CCDC50: variants seen among roughly 807,000 people sequenced by gnomAD.
The protein encoded by CCDC50 is coiled-coil domain containing 50, also known as coiled-coil domain-containing protein 50.
A neutral mutation model predicts 70.2 loss-of-function variants in CCDC50; 54 were observed. The ratio of observed to expected loss-of-function variants is 0.77; its 90% CI spans 0.62 to 0.96. CCDC50 has a LOEUF of 0.96. CCDC50 is among the 50% of genes least tolerant of loss of function. The probability of loss-of-function intolerance (pLI) is 0.00; values close to 1 mark genes in which losing one functional copy is unlikely to be tolerated. For missense variants in CCDC50, 558 were observed against 578.7 expected, an observed-to-expected ratio of 0.96 and a Z score of 0.37; for synonymous variants, 216 against 198.8, an observed-to-expected ratio of 1.09 and a Z score of -0.73.
chr3:191,362,724 G>A, intron 4 of CCDC50, among the ~76,000 whole-genome samples: 1 of 152,116 alleles, frequency 6.6e-6, no homozygotes, highest in East Asian at 1.9e-4. Context: ...TACATACACT[G>A]CTACTCCTAC....
At chr3:191,344,959 G>A (rs1437244567) in intron 1 of CCDC50, among the ~76,000 whole-genome samples, 1 of 152,136 alleles carries the variant, frequency 6.6e-6, no homozygotes. Context: ...ATCCTCAAAT[G>A]CACATCCACA....
chr3:191,389,656 C>G, intron 11 of CCDC50, 54 bp downstream of exon 11: 1 of 1,322,562 alleles, frequency 7.6e-7, no homozygotes, highest in South Asian at 1.2e-5. Flanking sequence ...ATATAAGCCT[C>G]GTGTTGTAGT....
intron 6 of CCDC50, among the ~76,000 whole-genome samples, chr3:191,378,731 G>GTTTTTTTTTTTTTTTT (rs111282965): frequency 6.7e-6 from 1 of 149,558 alleles, no homozygotes; most frequent in African/African-American, 2.5e-5. Context: ...CTATGCCACT[G>GTTTTTTTTTTTTTTTT]TTTTTTTGTT....
At chr3:191,383,700 C>A (rs1713398134) in intron 10 of CCDC50, among the ~76,000 whole-genome samples, 1 of 152,152 alleles carries the variant, frequency 6.6e-6, no homozygotes, top group South Asian at 2.1e-4. Context: ...AAGTAATCCT[C>A]TATTTTAAAA....
chr3:191,334,328 C>T (rs987385641), intron 1 of CCDC50, among the ~76,000 whole-genome samples: 1 of 152,116 alleles, frequency 6.6e-6, no homozygotes, highest in African/African-American at 2.4e-5. Context: ...TGTAGACTTG[C>T]ATTACTTTTT....
intron 10 of CCDC50, among the ~76,000 whole-genome samples, chr3:191,383,087 G>A (rs999026591): frequency 3.9e-4 from 59 of 152,162 alleles, no homozygotes; most frequent in African/African-American, 1.4e-3. Context: ...TCTTACCTCT[G>A]CATTCACTGA....
At chr3:191,372,906 A>G (rs1040784461) in intron 5 of CCDC50, among the ~76,000 whole-genome samples, 5 of 152,162 alleles carry the variant, frequency 3.3e-5, no homozygotes, top group African/African-American at 1.2e-4. Flanking sequence ...AATGGAGATT[A>G]TAAAAGTAAA....
At chr3:191,373,033 C>T (rs1044282253) in intron 5 of CCDC50, among the ~76,000 whole-genome samples, 4 of 151,698 alleles carry the variant, frequency 2.6e-5, no homozygotes, top group African/African-American at 9.7e-5. Context: ...TTTTGAAAGC[C>T]AAACATGGAG....
intron 5 of CCDC50, among the ~76,000 whole-genome samples, chr3:191,374,746 G>A (rs1436515565): frequency 6.6e-6 from 1 of 152,136 alleles, no homozygotes; most frequent in East Asian, 1.9e-4. Context: ...AGAACTTAAT[G>A]TTTAATGGCT....
In CCDC50 at chr3:191,357,086, A is replaced by G; in HGVS notation, c.50-2A>G. ...TGTCTGTTTTTCCTCCATCTACTCT[A>G]GTATGCCGAGATTTTGCTGTCCTGG... On this transcript the variant is annotated splice_acceptor_variant, in intron 1 of 11. Transcript: ENST00000392455. LOFTEE classifies it high-confidence loss of function. 1 of 1,605,126 alleles carries G rather than the reference A, an allele frequency of 6.2e-7. No homozygotes were observed. The highest frequency in any genetic ancestry group is 8.5e-7 in the Non-Finnish European group (1 of 1,172,282).
intron 6 of CCDC50, 77 bp from the exon 7 acceptor site, chr3:191,380,082 T>A (rs1713257289): frequency 4.4e-6 from 4 of 899,054 alleles, no homozygotes; most frequent in Non-Finnish European, 7.1e-6. Flanking sequence ...AAAAATCTCC[T>A]TTATCTTAAA....
intron 1 of CCDC50, among the ~76,000 whole-genome samples, chr3:191,348,017 T>C (rs1366946938): frequency 7.0e-6 from 1 of 142,638 alleles, no homozygotes; most frequent in African/African-American, 2.5e-5. Context: ...GGATCTAGAA[T>C]ATATGCTGGG....
chr3:191,375,451 T>C lies in CCDC50; in HGVS notation c.838T>C (p.Ser280Pro). The C allele has an allele frequency of 3.1e-6, 5 of 1,613,658 alleles. No individual in the cohort carries two copies. The highest frequency in any genetic ancestry group is 4.2e-6 in the Non-Finnish European group (5 of 1,179,828). ...CCAAGATCGACTTTCACCCAAGTCC[T>C]CACAAAAAGCAGGGCTTCACTGCAA... Reference protein sequence around the residue: ...RHQDRLSPKSSQKAGLHCKEV... With the variant: ...RHQDRLSPKSPQKAGLHCKEV... The change falls in exon 6 of 12, where the codon TCA (serine) becomes CCA (proline). Residue 280 changes from serine to proline, a missense_variant. By Grantham distance (74) the Ser-to-Pro change is moderately conservative (BLOSUM62 -1). Transcript: ENST00000392455.
chr3:191,385,250 AG>A (rs1372197631), intron 10 of CCDC50, among the ~76,000 whole-genome samples: 3 of 152,194 alleles, frequency 2.0e-5, no homozygotes, highest in Non-Finnish European at 4.4e-5. Flanking sequence ...CGCTTTCCAG[AG>A]GGATTGAACT....
rs1363993305 is a variant in CCDC50 at position 191,335,262 on chromosome 3, G to A, written c.49+5539G>A. Among the ~76,000 whole-genome samples the A allele has an allele frequency of 7.9e-5, 12 of 152,178 alleles. No homozygotes were observed. The East Asian group carries it at 1.2e-3, about 15-fold the overall frequency. On this transcript the variant is annotated intron_variant, in intron 1 of 11. Coordinates refer to ENST00000392455, the MANE Select transcript of CCDC50 (RefSeq NM_178335.3). ...CCAAGGTACAGAAGCATATTTAGAA[G>A]TGAATTGCTTTGATCCATAGAGGAG...
intron 2 of CCDC50, 133 bp downstream of exon 2, chr3:191,357,283 CT>C (rs1387686984): frequency 1.3e-6 from 1 of 749,020 alleles, no homozygotes; most frequent in African/African-American, 1.7e-5. Flanking sequence ...TGAAGGATTT[CT>C]TTAGGCAAAT....
rs1213284321 is a variant in CCDC50, at chr3:191,373,980, A to G, written c.449-1082A>G. Among the ~76,000 whole-genome samples the G allele has an allele frequency of 1.3e-5, 2 of 152,124 alleles. 1 individual carries two copies. The highest frequency in any genetic ancestry group is 3.9e-4 in the East Asian group (2 of 5,192). On this transcript the variant is annotated intron_variant, in intron 5 of 11. Coordinates refer to ENST00000392455, the MANE Select transcript of CCDC50 (RefSeq NM_178335.3). ...TAGTTTTTTATTTTCTTTACATCTC[A>G]TCAACTTACGGTAGCTCTTTCAAAT...
chr3:191,366,864 T>C (rs16866504), intron 4 of CCDC50, among the ~76,000 whole-genome samples: 14,833 of 151,902 alleles, frequency 0.098, 792 homozygotes, highest in East Asian at 0.24. Flanking sequence ...ACCAAGGAGA[T>C]TGTTTATATC....
chr3:191,340,164 T>A (rs1296173240), intron 1 of CCDC50, among the ~76,000 whole-genome samples: 7 of 152,194 alleles, frequency 4.6e-5, no homozygotes. Context: ...TCCTCACAGG[T>A]CAGGACATGA....
Sources: gnomAD v4.1 joint callset for allele counts (sites outside exome capture counted in the v4.1 genomes callset) on GRCh38, gnomAD v4.1.1 for gene constraint, MANE v1.5 for transcripts, NCBI Gene and HGNC (gene_info 2026-07-23, HGNC 2026-07-21) for gene names.